The following HDAC9 variants were observed in gnomAD, a reference collection of about 807,000 sequenced individuals.
The protein encoded by HDAC9 is MEF-2 interacting transcription repressor (MITR) protein.
HDAC9 carries 41 observed loss-of-function variants against 139.4 expected under a neutral mutation model. That is an observed-to-expected ratio of 0.29 (90% confidence interval 0.23 to 0.38). HDAC9 has a LOEUF of 0.38. Among genes scored for constraint, HDAC9 ranks in the 10% least tolerant of loss-of-function variants. HDAC9 has a pLI of 1.00. For synonymous variants in HDAC9, 517 were observed against 476.2 expected, an observed-to-expected ratio of 1.09 and a Z score of -1.12; for missense variants, 1,147 against 1,297.0, an observed-to-expected ratio of 0.88 and a Z score of 1.78.
At chr7:18,753,016 C>T (rs189791003) in intron 14 of HDAC9, among the ~76,000 whole-genome samples, 45 of 152,158 alleles carry the variant, frequency 3.0e-4, no homozygotes, top group Admixed American at 2.7e-3. Context: ...CTGGACACCA[C>T]ACGTTGAAAA....
chr7:18,930,682 C>T (rs758005675), intron 22 of HDAC9, among the ~76,000 whole-genome samples: 2 of 152,150 alleles, frequency 1.3e-5, no homozygotes, highest in Non-Finnish European at 2.9e-5. Flanking sequence ...GTAGAACTTT[C>T]CTTACATCAC....
At chr7:18,503,237 T>C (rs191151411) in intron 2 of HDAC9, among the ~76,000 whole-genome samples, 1 of 152,140 alleles carries the variant, frequency 6.6e-6, no homozygotes, top group East Asian at 1.9e-4. Flanking sequence ...CTGAAGTGAG[T>C]GGTTAGCTTG....
At chr7:18,713,857 G>T (rs1396088881) in intron 12 of HDAC9, among the ~76,000 whole-genome samples, 1 of 151,906 alleles carries the variant, frequency 6.6e-6, no homozygotes, top group Non-Finnish European at 1.5e-5. Context: ...GCAGAAGTTT[G>T]GCTCAATAAC....
intron 24 of HDAC9, among the ~76,000 whole-genome samples, chr7:18,973,870 C>T (rs1271636944): frequency 6.6e-6 from 1 of 152,142 alleles, no homozygotes; most frequent in African/African-American, 2.4e-5. Context: ...CCACTGTTAT[C>T]ACCTTCCAAT....
In HDAC9 at chr7:18,901,213, T is replaced by TAC. The variant is rs1164468120; in HGVS notation, c.2803+26618_2803+26619insCA. Among the ~76,000 whole-genome samples the TAC allele has an allele frequency of 1.6e-3, 203 of 128,826 alleles. 1 individual carries two copies. Among genetic ancestry groups the TAC allele is most frequent in the African/African-American group, 6.4e-3 (196 of 30,778 alleles). 84.5% of individuals were successfully genotyped at this position (128,826 alleles called of 152,430 possible). ...TGTATATATACTATATATACATATA[T>TAC]ATATATATACACACACACACACACA... On this transcript the variant is annotated intron_variant, in intron 22 of 25. Coordinates refer to ENST00000686413, the MANE Select transcript of HDAC9 (RefSeq NM_178425.4).
intron 1 of HDAC9, among the ~76,000 whole-genome samples, chr7:18,144,348 C>T (rs937353431): frequency 1.3e-5 from 2 of 152,138 alleles, no homozygotes; most frequent in Non-Finnish European, 2.9e-5. Flanking sequence ...CTGGAACCTT[C>T]TTCTGGTCCA....
At chr7:18,726,365 G>A (rs1464140105) in intron 12 of HDAC9, among the ~76,000 whole-genome samples, 1 of 152,150 alleles carries the variant, frequency 6.6e-6, no homozygotes, top group Admixed American at 6.5e-5. Flanking sequence ...TAGTCTAGCA[G>A]GAAGGTTAAG....
At chr7:18,156,270 T>A (rs1357086292) in intron 1 of HDAC9, among the ~76,000 whole-genome samples, 1 of 152,180 alleles carries the variant, frequency 6.6e-6, no homozygotes, top group East Asian at 1.9e-4. Context: ...AAGAAATTAC[T>A]TCAATTGAAA....
chr7:18,094,275 G>C (rs1217956006), intron 1 of HDAC9, among the ~76,000 whole-genome samples: 1 of 152,140 alleles, frequency 6.6e-6, no homozygotes, highest in Non-Finnish European at 1.5e-5. Flanking sequence ...ATCTATTCTA[G>C]AGCACACTGT....
chr7:18,785,422 A>G (rs2129173619), intron 16 of HDAC9, among the ~76,000 whole-genome samples: 1 of 152,196 alleles, frequency 6.6e-6, no homozygotes, highest in East Asian at 1.9e-4. Flanking sequence ...CAGTCATGAC[A>G]ACAAAAAATG....
At chr7:18,990,105 G>A (rs1000288992) in intron 25 of HDAC9, among the ~76,000 whole-genome samples, 2 of 152,314 alleles carry the variant, frequency 1.3e-5, no homozygotes, top group South Asian at 4.1e-4. Flanking sequence ...GAGGAACTGA[G>A]TTCCTTTGGA....
rs561804237 is a variant in HDAC9 at position 18,978,608 on chromosome 7, C to A, written c.3170+2655C>A. Among the ~76,000 whole-genome samples the A allele has an allele frequency of 2.4e-4, 37 of 152,194 alleles. 1 individual carries two copies. Among genetic ancestry groups the A allele is most frequent in the Middle Eastern group, 6.8e-3 (2 of 294 alleles). On this transcript the variant is annotated intron_variant, in intron 25 of 25. Coordinates refer to ENST00000686413, the MANE Select transcript of HDAC9 (RefSeq NM_178425.4). ...AACAAAACAAAACAACACAAAAAATCTTGAAGGGATCCAAGTTATATAGTC... is the reference window on the plus strand; with the variant it reads ...AACAAAACAAAACAACACAAAAAATATTGAAGGGATCCAAGTTATATAGTC...
chr7:18,331,356 TGAAAA>T (rs1800907359), intron 1 of HDAC9, among the ~76,000 whole-genome samples: 1 of 151,674 alleles, frequency 6.6e-6, no homozygotes, highest in Non-Finnish European at 1.5e-5. Flanking sequence ...TGTTTTTTAA[TGAAAA>T]GAAAAGATGT....
intron 6 of HDAC9, among the ~76,000 whole-genome samples, chr7:18,612,288 T>G (rs1409060054): frequency 1.3e-5 from 2 of 152,138 alleles, no homozygotes; most frequent in Non-Finnish European, 2.9e-5. Context: ...TATAAAATGT[T>G]TTTTAAAGAC....
chr7:18,454,305 ACT>A (rs950434116), intron 1 of HDAC9, among the ~76,000 whole-genome samples: 3 of 152,074 alleles, frequency 2.0e-5, no homozygotes, highest in Non-Finnish European at 2.9e-5. Context: ...TGAGATTAAA[ACT>A]CTAGAATACT....
chr7:18,809,446 A>G (rs1314885350), intron 17 of HDAC9, among the ~76,000 whole-genome samples: 1 of 152,034 alleles, frequency 6.6e-6, no homozygotes. Flanking sequence ...ATATGATAAG[A>G]GGTTAATGTC....
At chr7:18,579,547 T>C (rs1827117014) in intron 2 of HDAC9, among the ~76,000 whole-genome samples, 1 of 152,166 alleles carries the variant, frequency 6.6e-6, no homozygotes, top group Admixed American at 6.5e-5. Flanking sequence ...TATCGCCAAA[T>C]CCAGAATTTT....
At chr7:18,757,817 C>A (rs1789016725) in intron 14 of HDAC9, among the ~76,000 whole-genome samples, 1 of 151,972 alleles carries the variant, frequency 6.6e-6, no homozygotes, top group Non-Finnish European at 1.5e-5. Context: ...CAGAACATTT[C>A]TTCTATAATC....
intron 2 of HDAC9, among the ~76,000 whole-genome samples, chr7:18,258,807 C>T (rs997510592): frequency 6.6e-6 from 1 of 152,120 alleles, no homozygotes; most frequent in Non-Finnish European, 1.5e-5. Context: ...TCAGTAGCTT[C>T]TCTATTCAAC....
Sources: gnomAD v4.1 joint callset for allele counts (sites outside exome capture counted in the v4.1 genomes callset) on GRCh38, gnomAD v4.1.1 for gene constraint, MANE v1.5 for transcripts, NCBI Gene and HGNC (gene_info 2026-07-23, HGNC 2026-07-21) for gene names.